Variants in PTPRG observed in about 807,000 individuals in gnomAD.
The protein encoded by PTPRG is receptor-type tyrosine-protein phosphatase gamma.
PTPRG carries 102 observed loss-of-function variants against 165.3 expected under a neutral mutation model. That is an observed-to-expected ratio of 0.62 (90% CI 0.53 to 0.73). The LOEUF is 0.73. Ranked by LOEUF, PTPRG falls within the 30% of genes least tolerant of loss-of-function variation. PTPRG has a pLI of 0.00. For synonymous variants in PTPRG, 675 were observed against 669.5 expected, an observed-to-expected ratio of 1.01 and a Z score of -0.13; for missense variants, 1,866 against 1,861.4, an observed-to-expected ratio of 1.00 and a Z score of -0.05.
rs532767573 is a variant in PTPRG, at chr3:61,571,106, C to T, written c.85+8734C>T. 8.5e-4 allele frequency among the ~76,000 whole-genome samples: 129 copies of T among 152,278 alleles called. 1 individual carries two copies. Among genetic ancestry groups the T allele is most frequent in the Non-Finnish European group, 1.5e-3 (105 of 68,022 alleles). On this transcript the variant is annotated intron_variant, in intron 1 of 29. Coordinates refer to ENST00000474889, the MANE Select transcript of PTPRG (RefSeq NM_002841.4). ...TGGGAATAGTAATTATAATAGCCTA[C>T]GCTTACCAAGCACATGTGATCTATG...
At chr3:61,905,821 T>G (rs1474073447) in intron 2 of PTPRG, among the ~76,000 whole-genome samples, 5 of 152,228 alleles carry the variant, frequency 3.3e-5, no homozygotes, top group Non-Finnish European at 5.9e-5. Flanking sequence ...TTCTTCACCC[T>G]TTGTCTGTGT....
chr3:61,589,086 T>C (rs1002988371), intron 1 of PTPRG, among the ~76,000 whole-genome samples: 1 of 152,220 alleles, frequency 6.6e-6, no homozygotes, highest in Admixed American at 6.5e-5. Context: ...CATTTTTAAT[T>C]GTTGAAAATA....
At chr3:61,603,559 G>A (rs1411115666) in intron 1 of PTPRG, among the ~76,000 whole-genome samples, 1 of 152,114 alleles carries the variant, frequency 6.6e-6, no homozygotes, top group African/African-American at 2.4e-5. Context: ...ATGCAATCAT[G>A]GCCTAATATA....
chr3:62,249,563 G>A (rs1040073261), intron 15 of PTPRG, among the ~76,000 whole-genome samples: 2 of 152,116 alleles, frequency 1.3e-5, no homozygotes, highest in African/African-American at 4.8e-5. Context: ...CTCATAGAGT[G>A]GGTGACTTAA....
chr3:62,226,193 C>T (rs761375290), intron 13 of PTPRG, among the ~76,000 whole-genome samples: 17 of 152,166 alleles, frequency 1.1e-4, no homozygotes, highest in South Asian at 2.1e-4. Context: ...TTAGCCAATA[C>T]GTTATCTTGT....
chr3:61,693,236 C>T lies in PTPRG; in HGVS notation c.86-55642C>T, dbSNP rs199531523. Among the ~76,000 whole-genome samples the T allele has an allele frequency of 4.6e-5, 7 of 152,096 alleles. No individual in the cohort carries two copies. In the East Asian group the frequency reaches 7.7e-4, roughly 17 times the overall value. On this transcript the variant is annotated intron_variant, in intron 1 of 29. Coordinates refer to ENST00000474889, the MANE Select transcript of PTPRG (RefSeq NM_002841.4). ...TATGAGAAATTATGAATTTAATACCCGTCCAAAACTTGTTAGAATAAATGA... is the reference window on the plus strand; with the variant it reads ...TATGAGAAATTATGAATTTAATACCTGTCCAAAACTTGTTAGAATAAATGA...
In PTPRG at chr3:61,922,506, G is replaced by A. The variant is rs1384917462; in HGVS notation, c.191-67119G>A. On this transcript the variant is annotated intron_variant, in intron 2 of 29. Coordinates refer to ENST00000474889, the MANE Select transcript of PTPRG (RefSeq NM_002841.4). ...AGTGTGTGTGTGTGTACGCTTGTGC[G>A]CGTTTGTTATTGCTGCAGGACCTAA... Among the ~76,000 whole-genome samples, 5 of 152,278 alleles carry A rather than the reference G, an allele frequency of 3.3e-5. No homozygotes were observed. The East Asian group carries it at 5.8e-4, about 18-fold the overall frequency.
intron 4 of PTPRG, among the ~76,000 whole-genome samples, chr3:62,068,502 G>C (rs1701096021): frequency 6.6e-6 from 1 of 152,136 alleles, no homozygotes; most frequent in Non-Finnish European, 1.5e-5. Flanking sequence ...TTGAAGCAGA[G>C]TCTCACTGTG....
At chr3:62,021,121 C>G (rs534919526) in intron 4 of PTPRG, among the ~76,000 whole-genome samples, 8 of 140,104 alleles carry the variant, frequency 5.7e-5, no homozygotes, top group African/African-American at 2.0e-4. Context: ...AATACGAATA[C>G]CTGCGTGATA....
intron 4 of PTPRG, among the ~76,000 whole-genome samples, chr3:62,061,414 T>G (rs1239234740): frequency 6.6e-6 from 1 of 151,660 alleles, no homozygotes; most frequent in Non-Finnish European, 1.5e-5. Context: ...GTTGACACCA[T>G]CTCCGGTAGA....
intron 2 of PTPRG, among the ~76,000 whole-genome samples, chr3:61,931,587 G>A (rs1051781518): frequency 6.6e-6 from 1 of 152,110 alleles, no homozygotes; most frequent in South Asian, 2.1e-4. Flanking sequence ...TCAAGACCCC[G>A]TGTCCTCTTA....
At position 62,132,589 on chromosome 3, in the gene PTPRG, C is replaced by G. The variant is rs1179402819; in HGVS notation, c.616-13C>G. ...AGAATAGATTTAACCAATCATGTTT[C>G]CTTTACATTTAGGTCAGTCCGAGGG... On this transcript the variant is annotated splice_polypyrimidine_tract_variant and intron_variant, in intron 5 of 29. Transcript: ENST00000474889. 1.3e-6 allele frequency: 2 copies of G among 1,590,190 alleles called. No individual in the cohort carries two copies. Among genetic ancestry groups the G allele is most frequent in the Non-Finnish European group, 1.7e-6 (2 of 1,158,424 alleles).
intron 1 of PTPRG, among the ~76,000 whole-genome samples, chr3:61,585,185 G>A (rs1700403757): frequency 6.6e-6 from 1 of 151,354 alleles, no homozygotes. Flanking sequence ...GGAGGCTGAG[G>A]CAGGAGGATC....
chr3:62,194,671 C>T (rs563675418), intron 9 of PTPRG, among the ~76,000 whole-genome samples: 10 of 152,142 alleles, frequency 6.6e-5, no homozygotes, highest in South Asian at 4.2e-4. Context: ...GGCTTGGTGG[C>T]GGCCTCCTGT....
intron 4 of PTPRG, among the ~76,000 whole-genome samples, chr3:62,034,105 A>C (rs1038957461): frequency 2.6e-5 from 4 of 152,196 alleles, no homozygotes; most frequent in Non-Finnish European, 5.9e-5. Context: ...ATACAAGCTA[A>C]TACAGGGGAT....
chr3:62,191,559 A>G lies in PTPRG; in HGVS notation c.1124A>G (p.His375Arg), dbSNP rs748044908. The G allele has an allele frequency of 1.6e-5, 26 of 1,613,902 alleles. No homozygotes were observed. The Admixed American group carries it at 3.0e-4, about 19-fold the overall frequency. Residue 375 changes from histidine to arginine, a missense_variant, in exon 9 of 30, where the codon CAC (histidine) becomes CGC (arginine). His to Arg is a conservative substitution (Grantham distance 29). Transcript: ENST00000474889. ...VSWSQPETIY[H>R]PPIMNYMISY... is the part of the protein sequence containing the mutation. ...TGGAGCCAGCCGGAGACTATCTACCACCCACCCATCATGAACTACATGATC... is the reference window on the plus strand; with the variant it reads ...TGGAGCCAGCCGGAGACTATCTACCGCCCACCCATCATGAACTACATGATC...
intron 1 of PTPRG, among the ~76,000 whole-genome samples, chr3:61,673,154 TC>T (rs1461169943): frequency 3.3e-5 from 5 of 151,932 alleles, no homozygotes; most frequent in African/African-American, 4.8e-5. Flanking sequence ...AGAGCGATAC[TC>T]TGTCTCAAAA....
rs533539180 is a variant in PTPRG at position 61,841,283 on chromosome 3, A to G, written c.190+92301A>G. On this transcript the variant is annotated intron_variant, in intron 2 of 29. Transcript: ENST00000474889. ...CTTTCTATTTAATATTTGTTCTCCC[A>G]GGTCATGTGTTTGCTGAAAAGCCAT... Among the ~76,000 whole-genome samples the G allele has an allele frequency of 4.6e-5, 7 of 152,310 alleles. No homozygotes were observed. In the South Asian group the frequency reaches 1.0e-3, roughly 23 times the overall value.
intron 16 of PTPRG, among the ~76,000 whole-genome samples, chr3:62,261,606 T>C (rs1344896939): frequency 6.6e-6 from 1 of 151,864 alleles, no homozygotes; most frequent in Non-Finnish European, 1.5e-5. Context: ...TTTTTTTTTT[T>C]TTTTTAAATG....
Sources: gnomAD v4.1 joint callset for allele counts (sites outside exome capture counted in the v4.1 genomes callset) on GRCh38, gnomAD v4.1.1 for gene constraint, MANE v1.5 for transcripts, NCBI Gene and HGNC (gene_info 2026-07-23, HGNC 2026-07-21) for gene names.